NAV3: variants seen among roughly 807,000 people sequenced by gnomAD.
NAV3 encodes neuron navigator 3, also known as pore membrane and/or filament interacting like protein 1.
In NAV3, 87 loss-of-function variants were observed where a neutral mutation model predicts 244.7. That is an observed-to-expected ratio of 0.36 (90% CI 0.30 to 0.42). The LOEUF (loss-of-function observed/expected upper bound fraction) is 0.42, where lower values mean the gene tolerates loss of function less well. Ranked by LOEUF, NAV3 falls within the 20% of genes least tolerant of loss-of-function variation. The pLI is 1.00. For missense variants in NAV3, 2,663 were observed against 2,893.3 expected (o/e 0.92, Z 1.83); for synonymous variants, 1,126 against 1,042.2 (o/e 1.08, Z -1.55).
intron 2 of NAV3, among the ~76,000 whole-genome samples, chr12:77,773,605 A>C (rs1158993770): frequency 2.0e-5 from 3 of 152,178 alleles, no homozygotes; most frequent in African/African-American, 4.8e-5. Flanking sequence ...GATACATAGT[A>C]TATTAGATAA....
At chr12:78,139,044 G>A (rs1263042927) in intron 19 of NAV3, among the ~76,000 whole-genome samples, 1 of 152,024 alleles carries the variant, frequency 6.6e-6, no homozygotes, top group Non-Finnish European at 1.5e-5. Context: ...CTTTCCTATG[G>A]TACATCAGGG....
At chr12:77,779,390 C>T (rs1326967955) in intron 2 of NAV3, among the ~76,000 whole-genome samples, 1 of 152,072 alleles carries the variant, frequency 6.6e-6, no homozygotes, top group Admixed American at 6.5e-5. Context: ...CATCTAGGAC[C>T]GCTGAAGAAG....
At chr12:77,655,235 A>T (rs1369531451) in intron 2 of NAV3, among the ~76,000 whole-genome samples, 2 of 152,170 alleles carry the variant, frequency 1.3e-5, no homozygotes, top group Non-Finnish European at 2.9e-5. Flanking sequence ...GTATAACTAG[A>T]ATAACCAATA....
chr12:77,672,837 T>C (rs1472227411), intron 2 of NAV3, among the ~76,000 whole-genome samples: 1 of 151,940 alleles, frequency 6.6e-6, no homozygotes, highest in African/African-American at 2.4e-5. Flanking sequence ...AAAATAAAAT[T>C]GTGGGAAAGG....
At chr12:77,599,546 T>A (rs577085586) in intron 2 of NAV3, among the ~76,000 whole-genome samples, 25 of 151,914 alleles carry the variant, frequency 1.6e-4, no homozygotes, top group African/African-American at 5.8e-4. Context: ...TCTCACTGGT[T>A]TAAGATAAAA....
rs71088341 is a variant in NAV3, at chr12:77,831,169, CAGAG to C, written c.-271_-268del. ...CACTGAACAGAGAGAGAGAGAGAGA[CAGAG>C]AGAGAGAGAGAGAGAGAGAGACAGA... On this transcript the variant is annotated 5_prime_UTR_variant, in exon 1 of 40. Coordinates refer to ENST00000397909, the MANE Select transcript of NAV3 (RefSeq NM_001024383.2). 0.4 allele frequency: 57,156 copies of C among 143,668 alleles called. 9,567 individuals are homozygous for C. Among genetic ancestry groups the C allele is most frequent in the East Asian group, 0.5 (2,922 of 5,834 alleles). 8.9% of individuals were successfully genotyped at this position (143,668 alleles called of 1,614,324 possible).
chr12:77,786,200 A>C (rs191690523), intron 2 of NAV3, among the ~76,000 whole-genome samples: 45 of 152,274 alleles, frequency 3.0e-4, no homozygotes, highest in African/African-American at 1.0e-3. Context: ...CCTAACTGCT[A>C]TGTGGTACTA....
chr12:77,910,746 A>C (rs1211499732), intron 1 of NAV3, among the ~76,000 whole-genome samples: 1 of 152,124 alleles, frequency 6.6e-6, no homozygotes, highest in Non-Finnish European at 1.5e-5. Context: ...GGCTGAAAGC[A>C]CACAGGCTGC....
At chr12:78,056,366 A>G (rs1421768740) in intron 11 of NAV3, 1 of 152,122 alleles carries the variant, frequency 6.6e-6, no homozygotes, top group African/African-American at 2.4e-5. Flanking sequence ...ACGTGAGAAG[A>G]CAAGAGGGCT....
rs201721386 is a variant in NAV3 at position 77,892,418 on chromosome 12, A to AT, written c.244-47885dup. ...CAAGCCCTAAAATTAGACCATTTGA[A>AT]TTTTTTTTTTTTTTTTAGACAGAAT... On this transcript the variant is annotated intron_variant, in intron 1 of 39. Coordinates refer to ENST00000397909, the MANE Select transcript of NAV3 (RefSeq NM_001024383.2). Among the ~76,000 whole-genome samples the AT allele has an allele frequency of 4.2e-3, 597 of 142,900 alleles. 1 individual carries two copies. Among genetic ancestry groups the AT allele is most frequent in the Non-Finnish European group, 5.1e-3 (333 of 64,680 alleles). 93.7% of individuals were successfully genotyped at this position (142,900 alleles called of 152,430 possible). A position where few individuals can be genotyped will look rare whatever the true frequency, so the allele number is the denominator to read the frequency against.
chr12:77,863,892 T>C (rs1879626399), intron 1 of NAV3, among the ~76,000 whole-genome samples: 1 of 151,908 alleles, frequency 6.6e-6, no homozygotes, highest in African/African-American at 2.4e-5. Context: ...AATAGGGTTA[T>C]AAAATCAGAA....
intron 12 of NAV3, among the ~76,000 whole-genome samples, chr12:78,112,672 G>A (rs1180225673): frequency 1.3e-5 from 2 of 152,072 alleles, no homozygotes; most frequent in African/African-American, 4.8e-5. Flanking sequence ...AACACATGGG[G>A]CTTATGGGAA....
At chr12:78,163,111 A>C (rs930655340) in intron 23 of NAV3, among the ~76,000 whole-genome samples, 1 of 151,518 alleles carries the variant, frequency 6.6e-6, no homozygotes, top group African/African-American at 2.4e-5. Context: ...TCTTGATTAC[A>C]TACTTTAAAA....
intron 22 of NAV3, among the ~76,000 whole-genome samples, chr12:78,158,695 A>G (rs895734511): frequency 1.3e-5 from 2 of 151,752 alleles, no homozygotes; most frequent in African/African-American, 4.8e-5. Context: ...GAAAAAGAGT[A>G]AAGATAATGT....
intron 33 of NAV3, 110 bp downstream of exon 33, chr12:78,188,887 T>G: frequency 1.1e-6 from 1 of 920,776 alleles, no homozygotes. Flanking sequence ...ATTTGAAAAC[T>G]CTGTAGTATT....
intron 25 of NAV3, among the ~76,000 whole-genome samples, 177 bp from the exon 26 acceptor site, chr12:78,176,262 C>T (rs992485828): frequency 1.7e-4 from 26 of 151,790 alleles, no homozygotes; most frequent in Admixed American, 1.7e-3. Flanking sequence ...TGAGTAAATA[C>T]AACTCTTGAT....
At chr12:77,789,140 C>G (rs1174939182) in intron 2 of NAV3, among the ~76,000 whole-genome samples, 1 of 152,198 alleles carries the variant, frequency 6.6e-6, no homozygotes, top group Non-Finnish European at 1.5e-5. Context: ...TTGGATTATT[C>G]TAACTAAACA....
At chr12:77,722,519 A>C (rs1876684731) in intron 2 of NAV3, among the ~76,000 whole-genome samples, 2 of 152,070 alleles carry the variant, frequency 1.3e-5, no homozygotes. Context: ...TTATGGGCCT[A>C]GTTGTGGTAA....
intron 2 of NAV3, among the ~76,000 whole-genome samples, chr12:77,699,116 G>T (rs1875445490): frequency 2.0e-5 from 3 of 151,950 alleles, no homozygotes; most frequent in Admixed American, 1.3e-4. Flanking sequence ...TATTTCACTG[G>T]CATGGAATAT....
Sources: allele counts gnomAD v4.1 joint callset (sites outside exome capture counted in the v4.1 genomes callset), GRCh38; gene constraint gnomAD v4.1.1; transcripts MANE v1.5; gene names NCBI Gene and HGNC (gene_info 2026-07-23, HGNC 2026-07-21).